Variants in FLCN observed in about 807,000 individuals in gnomAD.
FLCN encodes the protein folliculin.
A neutral mutation model predicts 62.5 loss-of-function variants in FLCN; 22 were observed. That is an observed-to-expected ratio of 0.35 (90% confidence interval 0.25 to 0.50). The LOEUF is 0.50. Among genes scored for constraint, FLCN ranks in the 20% least tolerant of loss-of-function variants. The pLI is 0.97. For missense variants in FLCN, 657 were observed against 778.0 expected, an observed-to-expected ratio of 0.84 and a Z score of 1.85; for synonymous variants, 319 against 310.0, an observed-to-expected ratio of 1.03 and a Z score of -0.30.
chr17:17,230,408 G>C (rs2047384757), intron 3 of FLCN, among the ~76,000 whole-genome samples: 1 of 151,988 alleles, frequency 6.6e-6, no homozygotes, highest in African/African-American at 2.4e-5. Flanking sequence ...GTGTGCGCTG[G>C]TAGTCCCAGC....
intron 9 of FLCN, chr17:17,217,404 C>G: frequency 1.7e-6 from 1 of 592,774 alleles, no homozygotes; most frequent in Non-Finnish European, 3.0e-6. Context: ...AAAGCTCTTG[C>G]TCCAAGATCT....
At chr17:17,218,529 C>T (rs148052343) in intron 9 of FLCN, among the ~76,000 whole-genome samples, 262 of 152,186 alleles carry the variant, frequency 1.7e-3, no homozygotes, top group African/African-American at 6.0e-3. Context: ...GGACTACAGG[C>T]ACATGCCACC....
In FLCN at chr17:17,228,060, G is replaced by A. The variant is rs746222481; in HGVS notation, c.78C>T (p.His26=). ...PRTLFCTEVL[H]APLPQGDGNE... ...TCCCATCCCCTTGAGGAAGTGGGGC[G>A]TGCAGCACCTCCGTGCAGAAGAGAG... Residue 26 remains histidine (H), a synonymous_variant, in exon 4 of 14, where the codon CAC becomes CAT. Transcript: ENST00000285071. 73 of 1,613,618 alleles carry A rather than the reference G, an allele frequency of 4.5e-5. No individual in the cohort carries two copies. The highest frequency in any genetic ancestry group is 2.1e-4 in the African/African-American group (16 of 74,946).
At chr17:17,225,726 C>T in intron 5 of FLCN, 1 of 269,660 alleles carries the variant, frequency 3.7e-6, no homozygotes, top group Admixed American at 4.5e-5. Context: ...CAACAAAAAA[C>T]AAACCCCAGT....
chr17:17,214,998 CCTT>C lies in FLCN; in HGVS notation c.1522_1524del (p.Lys508del), dbSNP rs398124529. On this transcript the variant is annotated inframe_deletion, in exon 13 of 14. Coordinates refer to ENST00000285071, the MANE Select transcript of FLCN (RefSeq NM_144997.7). Reference sequence around the variant, plus strand: ...ACTGTTGCTTACTTCATCCACTCCTCCTTGAGGCAGACGAGGCACTGGTCCACC... The same window carrying C: ...ACTGTTGCTTACTTCATCCACTCCTCGAGGCAGACGAGGCACTGGTCCACC... 3.1e-6 allele frequency: 5 copies of C among 1,614,030 alleles called. No homozygotes were observed. Among genetic ancestry groups the C allele is most frequent in the Admixed American group, 1.7e-5 (1 of 60,008 alleles).
chr17:17,234,821 C>T (rs2047533245), intron 1 of FLCN, among the ~76,000 whole-genome samples: 1 of 144,852 alleles, frequency 6.9e-6, no homozygotes, highest in African/African-American at 2.6e-5. Context: ...ACTAAAAATA[C>T]AAAAATTAGG....
Position 17,213,302 on chromosome 17 carries a change from C to T in FLCN, c.*353G>A, listed in dbSNP as rs2046805549. The stretch of plus-strand genomic sequence containing the variant: ...CTCGGGAGCAGACATGTTATTGCGA[C>T]TGCATACTGAGTCGGACCTGTTTCT... On this transcript the variant is annotated 3_prime_UTR_variant, in exon 14 of 14. Coordinates refer to ENST00000285071, the MANE Select transcript of FLCN (RefSeq NM_144997.7). The T allele has an allele frequency of 2.2e-6, 1 of 464,242 alleles. No individual in the cohort carries two copies. The highest frequency in any genetic ancestry group is 2.3e-5 in the South Asian group (1 of 43,546). The allele number at this position is 464,242 out of a possible 1,614,324, so 28.8% of individuals were successfully genotyped here. A position where few individuals can be genotyped will look rare whatever the true frequency, so the allele number is the denominator to read the frequency against.
intron 8 of FLCN, chr17:17,219,525 A>C: frequency 6.7e-6 from 1 of 148,186 alleles, no homozygotes; most frequent in East Asian, 1.4e-4. Context: ...CCAGTCGGCC[A>C]CAGTTCTCGA....
chr17:17,229,918 G>A (rs1393502659), intron 3 of FLCN, among the ~76,000 whole-genome samples: 1 of 152,226 alleles, frequency 6.6e-6, no homozygotes, highest in Non-Finnish European at 1.5e-5. Context: ...GCCAGGGGCA[G>A]CTGCAGGCAC....
In FLCN at chr17:17,227,904, CT is replaced by C. The variant is rs1555611377; in HGVS notation, c.233del (p.Lys78SerfsTer52). The C allele has an allele frequency of 6.2e-7, 1 of 1,614,162 alleles. No homozygotes were observed. Among genetic ancestry groups the C allele is most frequent in the Non-Finnish European group, 8.5e-7 (1 of 1,180,046 alleles). ...SVESSSPGPK[K>X]SDMCEGCRSL... is the part of the protein sequence containing the mutation. ...AGACACTTGCCTCGCACATGTCCGA[CT>C]TTTTGGGCCCCGGGCTGCTGGACTC... On this transcript the variant is annotated frameshift_variant, in exon 4 of 14. Transcript: ENST00000285071. LOFTEE classifies it high-confidence loss of function.
chr17:17,234,215 T>TG (rs58595367), intron 1 of FLCN, among the ~76,000 whole-genome samples: 4,923 of 134,578 alleles, frequency 0.037, 274 homozygotes, highest in African/African-American at 0.12. Context: ...TTTTTTTTGG[T>TG]TTGTTTTTTT....
chr17:17,225,947 G>A (rs555763408), intron 5 of FLCN: 2 of 667,424 alleles, frequency 3.0e-6, no homozygotes, highest in East Asian at 5.5e-5. Flanking sequence ...GGTGCTTAAA[G>A]TGCAAAAGCT....
intron 1 of FLCN, among the ~76,000 whole-genome samples, chr17:17,233,628 G>A (rs1418777408): frequency 8.7e-5 from 13 of 148,582 alleles, no homozygotes; most frequent in South Asian, 2.1e-4. Flanking sequence ...AAAATTAGCC[G>A]GGCATGCCTC....
Position 17,212,619 on chromosome 17 carries a change from T to C in FLCN, c.*1036A>G, listed in dbSNP as rs972285089. The stretch of plus-strand genomic sequence containing the variant: ...GGCCAACACGGTGAAACCCCGTCTC[T>C]ACTAAAAAATACAAAAATTAGCTGG... On this transcript the variant is annotated 3_prime_UTR_variant, in exon 14 of 14. Coordinates refer to ENST00000285071, the MANE Select transcript of FLCN (RefSeq NM_144997.7). 2 of 174,542 alleles carry C rather than the reference T, an allele frequency of 1.1e-5. No individual in the cohort carries two copies. Among genetic ancestry groups the C allele is most frequent in the African/African-American group, 4.8e-5 (2 of 41,932 alleles). The allele number at this position is 174,542 out of a possible 1,614,324, so 10.8% of individuals were successfully genotyped here. A position where few individuals can be genotyped will look rare whatever the true frequency, so the allele number is the denominator to read the frequency against.
intron 8 of FLCN, chr17:17,221,175 A>G: frequency 6.8e-7 from 1 of 1,472,998 alleles, no homozygotes; most frequent in Non-Finnish European, 9.0e-7. Flanking sequence ...ACGAACTGAA[A>G]CAGAACACTT....
intron 3 of FLCN, chr17:17,228,784 G>C (rs975426187): frequency 6.5e-6 from 1 of 153,890 alleles, no homozygotes; most frequent in Non-Finnish European, 1.4e-5. Flanking sequence ...GGTGTGTAAG[G>C]TCCGGTGTCC....
chr17:17,227,795 C>A, intron 4 of FLCN, 94 bp downstream of exon 4: 1 of 1,572,240 alleles, frequency 6.4e-7, no homozygotes, highest in South Asian at 1.1e-5. Flanking sequence ...CAGTCTGTGT[C>A]ACCCCGGGAG....
chr17:17,228,440 A>T, intron 3 of FLCN: 1 of 432,376 alleles, frequency 2.3e-6, no homozygotes, highest in South Asian at 2.6e-5. Context: ...CCACAAAGCC[A>T]ACGGCGCTGG....
In FLCN at chr17:17,221,515, G is replaced by A. The variant is rs141303532; in HGVS notation, c.871+22C>T. 1.2e-4 allele frequency: 191 copies of A among 1,613,752 alleles called. No individual in the cohort carries two copies. The highest frequency in any genetic ancestry group is 1.7e-4 in the Middle Eastern group (1 of 6,060). On this transcript the variant is annotated intron_variant, in intron 8 of 13. Transcript: ENST00000285071. Reference sequence around the variant, plus strand: ...CCACGGCCATCCGGGCCAAGGCCCCGGCAACAGCACCCCTGCCTCACCAGC... The same window carrying A: ...CCACGGCCATCCGGGCCAAGGCCCCAGCAACAGCACCCCTGCCTCACCAGC...
Sources: gnomAD v4.1 joint callset for allele counts (sites outside exome capture counted in the v4.1 genomes callset) on GRCh38, gnomAD v4.1.1 for gene constraint, MANE v1.5 for transcripts, NCBI Gene and HGNC (gene_info 2026-07-23, HGNC 2026-07-21) for gene names.